The following AHI1 variants were observed in gnomAD, a reference collection of about 807,000 sequenced individuals.
AHI1 encodes Abelson helper integration site 1.
Under a neutral mutation model 149.3 loss-of-function variants are expected in AHI1, and 123 were observed. The observed-to-expected ratio is 0.82, with a 90% CI of 0.71 to 0.96. AHI1 has a LOEUF of 0.96. Ranked by LOEUF, AHI1 falls within the 40% of genes least tolerant of loss-of-function variation. AHI1 has a pLI of 0.00. For missense variants in AHI1, 1,439 were observed against 1,422.7 expected (o/e 1.01, Z -0.18); for synonymous variants, 475 against 459.8 (o/e 1.03, Z -0.42).
chr6:135,364,080 C>A (rs573746128), intron 23 of AHI1, among the ~76,000 whole-genome samples: 33 of 150,564 alleles, frequency 2.2e-4, no homozygotes, highest in Middle Eastern at 3.5e-3. Flanking sequence ...CTGACCCCCC[C>A]ACCTCCCTCC....
chr6:135,365,207 A>G (rs1258206661), intron 23 of AHI1, among the ~76,000 whole-genome samples: 1 of 152,150 alleles, frequency 6.6e-6, no homozygotes, highest in East Asian at 1.9e-4. Context: ...TTCGATGACT[A>G]TAGCTTTATA....
chr6:135,416,240 A>C lies in AHI1; in HGVS notation c.2765-4696T>G, dbSNP rs193138549. 2.2e-4 allele frequency among the ~76,000 whole-genome samples: 34 copies of C among 152,280 alleles called. 1 individual carries two copies. The highest frequency in any genetic ancestry group is 2.1e-3 in the Admixed American group (32 of 15,264). On this transcript the variant is annotated intron_variant, in intron 20 of 28. Transcript: ENST00000265602. ...AGAGTTCCCATGAAATCCATTAAAAATTAATAATCGAACAGAAAAATGGGC... is the reference window on the plus strand; with the variant it reads ...AGAGTTCCCATGAAATCCATTAAAACTTAATAATCGAACAGAAAAATGGGC...
intron 11 of AHI1, among the ~76,000 whole-genome samples, chr6:135,452,219 T>C (rs1329082429): frequency 6.6e-6 from 1 of 152,258 alleles, no homozygotes; most frequent in African/African-American, 2.4e-5. Flanking sequence ...TCACATTTTA[T>C]AGATCATATT....
At chr6:135,358,427 A>G (rs1014014419) in intron 23 of AHI1, among the ~76,000 whole-genome samples, 2 of 152,176 alleles carry the variant, frequency 1.3e-5, no homozygotes, top group African/African-American at 2.4e-5. Context: ...GATGTCTAGC[A>G]ATAGCGCAAG....
At chr6:135,458,476 G>C (rs1217087802) in intron 8 of AHI1, among the ~76,000 whole-genome samples, 1 of 152,170 alleles carries the variant, frequency 6.6e-6, no homozygotes, top group Non-Finnish European at 1.5e-5. Context: ...CAGGCTTGTG[G>C]TGCTAGCAGA....
chr6:135,350,134 C>T (rs1791853542), intron 24 of AHI1, among the ~76,000 whole-genome samples: 1 of 152,208 alleles, frequency 6.6e-6, no homozygotes, highest in South Asian at 2.1e-4. Context: ...AAGTCAGTAA[C>T]ATATCCACAG....
intron 22 of AHI1, 127 bp from the exon 23 acceptor site, chr6:135,395,023 A>T (rs1453728557): frequency 1.1e-6 from 1 of 880,930 alleles, no homozygotes; most frequent in Non-Finnish European, 1.7e-6. Flanking sequence ...AGTGGTAATG[A>T]TGTACATGGT....
intron 28 of AHI1, 145 bp downstream of exon 28, chr6:135,290,278 T>C: frequency 1.6e-6 from 1 of 635,946 alleles, no homozygotes; most frequent in Non-Finnish European, 2.8e-6. Context: ...AGGTCGCAAA[T>C]GGCCTCCCGG....
intron 24 of AHI1, among the ~76,000 whole-genome samples, chr6:135,353,348 G>C (rs1792450957): frequency 6.6e-6 from 1 of 152,006 alleles, no homozygotes; most frequent in Admixed American, 6.6e-5. Flanking sequence ...TTGGCCATGG[G>C]TTCTATTTTA....
chr6:135,483,775 A>G (rs1471643370), intron 5 of AHI1, among the ~76,000 whole-genome samples: 2 of 152,170 alleles, frequency 1.3e-5, no homozygotes, highest in African/African-American at 2.4e-5. Flanking sequence ...TCCACAATCC[A>G]TCACTTCAAT....
intron 23 of AHI1, among the ~76,000 whole-genome samples, chr6:135,364,753 G>A (rs1562587402): frequency 1.3e-5 from 2 of 152,364 alleles, no homozygotes; most frequent in Non-Finnish European, 2.9e-5. Flanking sequence ...CCAGTCAGGC[G>A]TGGCGGCGCA....
chr6:135,481,979 T>C (rs1793725574), intron 5 of AHI1, among the ~76,000 whole-genome samples: 1 of 152,006 alleles, frequency 6.6e-6, no homozygotes, highest in Admixed American at 6.5e-5. Flanking sequence ...AAAATGTCTT[T>C]ATTTTCTCTG....
At chr6:135,467,480 A>T (rs537476728) in intron 6 of AHI1, 101 bp downstream of exon 6, 1 of 978,536 alleles carries the variant, frequency 1.0e-6, no homozygotes, top group South Asian at 1.4e-5. Flanking sequence ...GATGTGTTGA[A>T]AAACAGAATG....
rs573256231 is a variant in AHI1, at chr6:135,436,936, T to C, written c.2036+1439A>G. On this transcript the variant is annotated intron_variant, in intron 15 of 28. Coordinates refer to ENST00000265602, the MANE Select transcript of AHI1 (RefSeq NM_001134831.2). ...ATATTTCTAAGATGAGAGGACACAA[T>C]CAATAGAGAGAAAGATATTAATCAG... Among the ~76,000 whole-genome samples, 3 of 152,172 alleles carry C rather than the reference T, an allele frequency of 2.0e-5. No homozygotes were observed. In the South Asian group the frequency reaches 6.2e-4, roughly 32 times the overall value.
intron 22 of AHI1, among the ~76,000 whole-genome samples, chr6:135,397,947 C>T (rs905689889): frequency 4.0e-5 from 6 of 151,822 alleles, no homozygotes; most frequent in African/African-American, 7.3e-5. Flanking sequence ...CATCTCTCTC[C>T]CAGACAGCTG....
In AHI1 at chr6:135,455,716, G is replaced by T; in HGVS notation, c.1344+18C>A. 2 of 1,503,372 alleles carry T rather than the reference G, an allele frequency of 1.3e-6. No homozygotes were observed. Among genetic ancestry groups the T allele is most frequent in the Non-Finnish European group, 1.8e-6 (2 of 1,107,942 alleles). 93.1% of individuals were successfully genotyped at this position (1,503,372 alleles called of 1,614,324 possible). ...TATTAACTATCGTTTAATTTGAATT[G>T]GTCCATTCAATTCATACCTCAAAGA... On this transcript the variant is annotated intron_variant, in intron 10 of 28. Transcript: ENST00000265602.
At chr6:135,408,072 A>G (rs923367047) in intron 21 of AHI1, among the ~76,000 whole-genome samples, 11 of 152,024 alleles carry the variant, frequency 7.2e-5, no homozygotes, top group African/African-American at 2.2e-4. Flanking sequence ...TTTTTCCTTT[A>G]CATCTACTTT....
chr6:135,324,883 T>C (rs774149123), intron 24 of AHI1, among the ~76,000 whole-genome samples: 15 of 152,146 alleles, frequency 9.9e-5, no homozygotes, highest in Non-Finnish European at 1.9e-4. Flanking sequence ...ACGAATGAGT[T>C]TGGACTTAAC....
chr6:135,321,427 G>A (rs1040183452), intron 25 of AHI1, among the ~76,000 whole-genome samples: 1 of 152,160 alleles, frequency 6.6e-6, no homozygotes, highest in African/African-American at 2.4e-5. Context: ...GCTGACTGTG[G>A]CAGATAAACT....
Sources: allele counts gnomAD v4.1 joint callset (sites outside exome capture counted in the v4.1 genomes callset), GRCh38; gene constraint gnomAD v4.1.1; transcripts MANE v1.5; gene names NCBI Gene and HGNC (gene_info 2026-07-23, HGNC 2026-07-21).